Variants in GEN1 observed in about 807,000 individuals in gnomAD.
The protein encoded by GEN1 is GEN1 structure-specific endonuclease, also known as flap endonuclease GEN homolog 1.
GEN1 carries 64 observed loss-of-function variants against 67.6 expected under a neutral mutation model. The ratio of observed to expected loss-of-function variants is 0.95; its 90% CI spans 0.77 to 1.17. The LOEUF is 1.17. Ranked by LOEUF, GEN1 falls within the 50% of genes most tolerant of loss-of-function variation. The probability of loss-of-function intolerance (pLI) is 0.00; values close to 1 mark genes in which losing one functional copy is unlikely to be tolerated. For missense variants in GEN1, 1,058 were observed against 1,048.3 expected (o/e 1.01, Z -0.13); for synonymous variants, 371 against 359.4 (o/e 1.03, Z -0.37).
intron 11 of GEN1, among the ~76,000 whole-genome samples, chr2:17,776,289 AATG>A (rs754704625): frequency 6.6e-6 from 1 of 152,136 alleles, no homozygotes; most frequent in African/African-American, 2.4e-5. Flanking sequence ...ATTCAAGAAA[AATG>A]ATCCTGATTG....
chr2:17,763,799 C>T (rs1402613382), intron 3 of GEN1, among the ~76,000 whole-genome samples: 2 of 152,200 alleles, frequency 1.3e-5, no homozygotes. Context: ...ACGGGGCCAG[C>T]GTCCTGAAAA....
chr2:17,782,411 T>C lies in GEN1; in HGVS notation c.*472T>C, dbSNP rs1267915691. On this transcript the variant is annotated 3_prime_UTR_variant, in exon 14 of 14. Coordinates refer to ENST00000381254, the MANE Select transcript of GEN1 (RefSeq NM_001130009.3). ...GTGTGAAGATACCTTTAGTGTGCTC[T>C]TCCACTTTGGAAGGCCATGCAAGGT... 1 of 152,384 alleles carries C rather than the reference T, an allele frequency of 6.6e-6. No individual in the cohort carries two copies. The highest frequency in any genetic ancestry group is 2.4e-5 in the African/African-American group (1 of 41,466). 9.4% of individuals were successfully genotyped at this position (152,384 alleles called of 1,614,324 possible). A position where few individuals can be genotyped will look rare whatever the true frequency, so the allele number is the denominator to read the frequency against.
intron 7 of GEN1, 116 bp downstream of exon 7, chr2:17,771,403 T>G (rs1326882568): frequency 1.5e-6 from 1 of 666,264 alleles, no homozygotes; most frequent in South Asian, 1.8e-5. Context: ...TACATTGTCT[T>G]CTCCACTAGA....
At chr2:17,758,329 A>C (rs1298256587) in intron 1 of GEN1, among the ~76,000 whole-genome samples, 1 of 152,224 alleles carries the variant, frequency 6.6e-6, no homozygotes, top group East Asian at 1.9e-4. Context: ...CTTCGATAGC[A>C]ATCTATTCCA....
rs59372965 is a variant in GEN1, at chr2:17,766,948, A to G, written c.636+259A>G. On this transcript the variant is annotated intron_variant, in intron 5 of 13. Transcript: ENST00000381254. ...TTGAATCTCAGTAAACTGTTACTCT[A>G]GATTAAGAGATTCACATTTATGTTT... Among the ~76,000 whole-genome samples, 20,924 of 152,228 alleles carry G rather than the reference A, an allele frequency of 0.14. 1,754 individuals carry two copies. The highest frequency in any genetic ancestry group is 0.24 in the African/African-American group (9,955 of 41,492).
chr2:17,757,290 AT>A (rs1671474778), intron 1 of GEN1, among the ~76,000 whole-genome samples: 1 of 149,336 alleles, frequency 6.7e-6, no homozygotes, highest in East Asian at 2.0e-4. Flanking sequence ...TGTTAATAAT[AT>A]ATTTAATTAA....
chr2:17,758,333 T>C (rs943800713), intron 1 of GEN1, among the ~76,000 whole-genome samples: 3 of 152,236 alleles, frequency 2.0e-5, no homozygotes, highest in Non-Finnish European at 4.4e-5. Context: ...GATAGCAATC[T>C]ATTCCAGTGT....
At chr2:17,774,492 A>C in intron 11 of GEN1, 91 bp downstream of exon 11, 1 of 1,086,452 alleles carries the variant, frequency 9.2e-7, no homozygotes, top group East Asian at 2.7e-5. Context: ...TCGTTTTTGT[A>C]AAGGTGGAGG....
At chr2:17,772,611 A>T in intron 7 of GEN1, 23 bp from the exon 8 acceptor site, 1 of 1,571,482 alleles carries the variant, frequency 6.4e-7, no homozygotes, top group Non-Finnish European at 8.6e-7. Context: ...AAAATATTAT[A>T]CTTTTTTTGG....
At position 17,766,597 on chromosome 2, in the gene GEN1, T is replaced by TACACAATGTCTTG; in HGVS notation, c.554_555insTTGACACAATGTC (p.Ser186Ter). On this transcript the variant is annotated stop_gained and frameshift_variant, in exon 5 of 14. Coordinates refer to ENST00000381254, the MANE Select transcript of GEN1 (RefSeq NM_001130009.3). LOFTEE classifies it high-confidence loss of function. Reference sequence around the variant, plus strand: ...TCTTTAGGACCCACATGTTGACTGTTACACAATGTCATCTATCAAGAGTAA... The same window carrying TACACAATGTCTTG: ...TCTTTAGGACCCACATGTTGACTGTTACACAATGTCTTGACACAATGTCATCTATCAAGAGTAA... The TACACAATGTCTTG allele has an allele frequency of 1.3e-6, 2 of 1,594,896 alleles. No homozygotes were observed.
In GEN1 at chr2:17,783,277, A is replaced by C. The variant is rs946597607; in HGVS notation, c.*1338A>C. 1.3e-5 allele frequency: 2 copies of C among 152,212 alleles called. No homozygotes were observed. The highest frequency in any genetic ancestry group is 4.8e-5 in the African/African-American group (2 of 41,414). 9.4% of individuals were successfully genotyped at this position (152,212 alleles called of 1,614,324 possible). On this transcript the variant is annotated 3_prime_UTR_variant, in exon 14 of 14. Transcript: ENST00000381254. ...TTTTCCCTTGTTGGTCAGGCTAGTC[A>C]TGAACTCCTGGCCTCAAGCGATCCA... is the stretch of plus-strand genomic sequence containing the variant.
chr2:17,761,647 G>A, intron 3 of GEN1, 65 bp downstream of exon 3: 2 of 1,099,160 alleles, frequency 1.8e-6, no homozygotes, highest in Non-Finnish European at 2.6e-6. Context: ...ACTCTTAATA[G>A]TTTGTCATCT....
At chr2:17,776,585 A>G (rs932324046) in intron 11 of GEN1, among the ~76,000 whole-genome samples, 4 of 152,232 alleles carry the variant, frequency 2.6e-5, no homozygotes, top group African/African-American at 9.6e-5. Context: ...TATTTTTGCA[A>G]CTTTTATAAA....
At chr2:17,765,787 C>T (rs1216862686) in intron 4 of GEN1, among the ~76,000 whole-genome samples, 4 of 152,088 alleles carry the variant, frequency 2.6e-5, no homozygotes, top group African/African-American at 9.7e-5. Flanking sequence ...GAAAATTTCT[C>T]AAAATAGTAT....
At chr2:17,760,611 C>T (rs558576949) in intron 2 of GEN1, among the ~76,000 whole-genome samples, 3 of 152,298 alleles carry the variant, frequency 2.0e-5, no homozygotes, top group African/African-American at 7.2e-5. Context: ...AATCATAAAT[C>T]TTTCTTGCTT....
intron 2 of GEN1, among the ~76,000 whole-genome samples, chr2:17,760,468 C>T (rs1671622263): frequency 6.6e-6 from 1 of 152,178 alleles, no homozygotes; most frequent in East Asian, 1.9e-4. Flanking sequence ...ACAAACTTAT[C>T]TCAGTGTCCA....
rs988724224 is a variant in GEN1, at chr2:17,786,165, T to C, written c.*4226T>C. On this transcript the variant is annotated 3_prime_UTR_variant, in exon 14 of 14. Transcript: ENST00000381254. ...AATGGCATCCTATAAGGTTTTGATA[T>C]CTGTGAAGTCACTGCCACCATTGAC... 2.0e-5 allele frequency: 3 copies of C among 152,222 alleles called. No homozygotes were observed. Among genetic ancestry groups the C allele is most frequent in the Non-Finnish European group, 2.9e-5 (2 of 68,032 alleles). 9.4% of individuals were successfully genotyped at this position (152,222 alleles called of 1,614,324 possible).
At chr2:17,756,322 T>C (rs1671431524) in intron 1 of GEN1, among the ~76,000 whole-genome samples, 1 of 152,240 alleles carries the variant, frequency 6.6e-6, no homozygotes, top group Non-Finnish European at 1.5e-5. Flanking sequence ...TATAAAGTTA[T>C]TTGCTATGTG....
intron 12 of GEN1, among the ~76,000 whole-genome samples, chr2:17,778,414 A>ATG (rs1167785053): frequency 3.7e-5 from 1 of 27,136 alleles, no homozygotes; most frequent in African/African-American, 8.0e-5. Context: ...ACACACATAT[A>ATG]TGTGTGTACA....
Sources: gnomAD v4.1 joint callset for allele counts (sites outside exome capture counted in the v4.1 genomes callset) on GRCh38, gnomAD v4.1.1 for gene constraint, MANE v1.5 for transcripts, NCBI Gene and HGNC (gene_info 2026-07-23, HGNC 2026-07-21) for gene names.